Variants in LRRC4C observed in about 807,000 individuals in gnomAD.
LRRC4C encodes the protein leucine-rich repeat-containing protein 4C.
In LRRC4C, 5 loss-of-function variants were observed where a neutral mutation model predicts 33.6. The ratio of observed to expected loss-of-function variants is 0.15; its 90% CI spans 0.08 to 0.31. The LOEUF is 0.31. Among genes scored for constraint, LRRC4C ranks in the 10% least tolerant of loss-of-function variants. LRRC4C has a pLI of 1.00. For synonymous variants in LRRC4C, 329 were observed against 302.0 expected, an observed-to-expected ratio of 1.09 and a Z score of -0.93; for missense variants, 560 against 796.7, an observed-to-expected ratio of 0.70 and a Z score of 3.58.
chr11:41,026,592 C>T (rs939935840), intron 1 of LRRC4C, among the ~76,000 whole-genome samples: 8 of 151,276 alleles, frequency 5.3e-5, no homozygotes, highest in South Asian at 2.1e-4. Context: ...CACATGCCAC[C>T]GAGAAATCTT....
chr11:41,103,987 G>C (rs1314170954), intron 1 of LRRC4C, among the ~76,000 whole-genome samples: 1 of 151,848 alleles, frequency 6.6e-6, no homozygotes, highest in Non-Finnish European at 1.5e-5. Flanking sequence ...AATCAGAATG[G>C]ATGATAGAAC....
chr11:41,029,603 C>T (rs1184647625), intron 1 of LRRC4C, among the ~76,000 whole-genome samples: 2 of 151,692 alleles, frequency 1.3e-5, no homozygotes, highest in Non-Finnish European at 2.9e-5. Context: ...ATTACATTAG[C>T]TTTGGTAAGA....
chr11:41,083,694 G>C (rs1463608085), intron 1 of LRRC4C, among the ~76,000 whole-genome samples: 1 of 152,134 alleles, frequency 6.6e-6, no homozygotes, highest in Non-Finnish European at 1.5e-5. Flanking sequence ...ATAAGATGCG[G>C]AATAAAAACA....
At chr11:40,251,973 T>A (rs184077909) in intron 4 of LRRC4C, among the ~76,000 whole-genome samples, 5 of 152,338 alleles carry the variant, frequency 3.3e-5, no homozygotes, top group African/African-American at 1.2e-4. Context: ...ATTTGGATTC[T>A]CTGAGTGTCA....
chr11:41,353,863 G>T (rs903279844), intron 1 of LRRC4C, among the ~76,000 whole-genome samples: 1 of 151,860 alleles, frequency 6.6e-6, no homozygotes, highest in East Asian at 1.9e-4. Context: ...TCTAGGAGTC[G>T]AAGGAATGTA....
chr11:40,863,108 C>T (rs2135864225), intron 2 of LRRC4C, among the ~76,000 whole-genome samples: 1 of 152,316 alleles, frequency 6.6e-6, no homozygotes, highest in South Asian at 2.1e-4. Context: ...AAACAGAGCA[C>T]AAAAGACTGA....
chr11:41,134,380 T>C (rs973801349), intron 1 of LRRC4C, among the ~76,000 whole-genome samples: 9 of 152,132 alleles, frequency 5.9e-5, no homozygotes, highest in Non-Finnish European at 8.8e-5. Context: ...TCAGGCACAG[T>C]GGCACACTCT....
intron 5 of LRRC4C, among the ~76,000 whole-genome samples, chr11:40,202,095 A>C (rs571919881): frequency 6.6e-6 from 1 of 151,916 alleles, no homozygotes; most frequent in African/African-American, 2.4e-5. Flanking sequence ...ATTTTCCCAT[A>C]TGTATAACAG....
intron 2 of LRRC4C, among the ~76,000 whole-genome samples, chr11:40,771,863 G>C (rs1442145853): frequency 6.6e-6 from 1 of 152,082 alleles, no homozygotes; most frequent in Admixed American, 6.6e-5. Context: ...CAAGTCTCTA[G>C]GAAGTTCCAA....
chr11:40,959,227 T>C (rs1959090012), intron 1 of LRRC4C, among the ~76,000 whole-genome samples: 1 of 151,572 alleles, frequency 6.6e-6, no homozygotes, highest in Non-Finnish European at 1.5e-5. Flanking sequence ...ATACCATCAA[T>C]AAAGAAACAG....
At position 41,313,767 on chromosome 11, in the gene LRRC4C, GT is replaced by G. The variant is rs1950707352; in HGVS notation, c.-496+145663del. ...AAGTGGTATATTTGTGATTTATTCTGTGATCCAACCAGCCATTATCATAAGC... is the reference window on the plus strand; with the variant it reads ...AAGTGGTATATTTGTGATTTATTCTGGATCCAACCAGCCATTATCATAAGC... On this transcript the variant is annotated intron_variant, in intron 1 of 6. Transcript: ENST00000528697. 2.0e-5 allele frequency among the ~76,000 whole-genome samples: 3 copies of G among 152,070 alleles called. No individual in the cohort carries two copies. In the South Asian group the frequency reaches 6.2e-4, roughly 32 times the overall value.
intron 1 of LRRC4C, among the ~76,000 whole-genome samples, chr11:41,244,080 G>T (rs1490763157): frequency 1.3e-5 from 2 of 152,034 alleles, no homozygotes; most frequent in African/African-American, 4.8e-5. Flanking sequence ...AGAAGAGAAT[G>T]GATAATTTCC....
At chr11:40,675,697 A>G (rs748952455) in intron 2 of LRRC4C, among the ~76,000 whole-genome samples, 20 of 152,222 alleles carry the variant, frequency 1.3e-4, no homozygotes, top group Admixed American at 3.3e-4. Context: ...TTGTAAGTGT[A>G]TAAGAACTCA....
At chr11:40,802,523 AG>A (rs968666361) in intron 2 of LRRC4C, among the ~76,000 whole-genome samples, 2 of 152,020 alleles carry the variant, frequency 1.3e-5, no homozygotes, top group African/African-American at 2.4e-5. Flanking sequence ...AAAAAAGATA[AG>A]GAAGAGGAGG....
chr11:40,863,023 C>T (rs965544355), intron 2 of LRRC4C, among the ~76,000 whole-genome samples: 1 of 152,298 alleles, frequency 6.6e-6, no homozygotes, highest in Middle Eastern at 3.4e-3. Flanking sequence ...TTACTCCTTT[C>T]AATAGATTCT....
At chr11:41,122,622 A>G (rs969773706) in intron 1 of LRRC4C, among the ~76,000 whole-genome samples, 2 of 152,016 alleles carry the variant, frequency 1.3e-5, no homozygotes, top group African/African-American at 2.4e-5. Context: ...AAAAATAAAT[A>G]GATAGAAATA....
At chr11:41,221,462 T>G (rs113992456) in intron 1 of LRRC4C, among the ~76,000 whole-genome samples, 3,653 of 152,184 alleles carry the variant, frequency 0.024, 69 homozygotes, top group Non-Finnish European at 0.036. Flanking sequence ...GGAGTGTAAA[T>G]TAGTTTAGCC....
At chr11:41,146,100 C>G (rs762002169) in intron 1 of LRRC4C, among the ~76,000 whole-genome samples, 2 of 152,054 alleles carry the variant, frequency 1.3e-5, no homozygotes, top group Non-Finnish European at 2.9e-5. Flanking sequence ...AAGAGTGTAA[C>G]CTCTTCTAGA....
At chr11:41,404,488 G>GTC (rs539338852) in intron 1 of LRRC4C, among the ~76,000 whole-genome samples, 103 of 145,392 alleles carry the variant, frequency 7.1e-4, no homozygotes, top group African/African-American at 2.5e-3. Flanking sequence ...GTGTCTGTGT[G>GTC]TGTGTGTGTA....
Sources: gnomAD v4.1 joint callset for allele counts (sites outside exome capture counted in the v4.1 genomes callset) on GRCh38, gnomAD v4.1.1 for gene constraint, MANE v1.5 for transcripts, NCBI Gene and HGNC (gene_info 2026-07-23, HGNC 2026-07-21) for gene names.